COL22A1: variants seen among roughly 807,000 people sequenced by gnomAD.
COL22A1 encodes the protein collagen type XXII alpha 1 chain.
A neutral mutation model predicts 248.9 loss-of-function variants in COL22A1; 221 were observed. The ratio of observed to expected loss-of-function variants is 0.89; its 90% CI spans 0.80 to 0.99. The LOEUF (loss-of-function observed/expected upper bound fraction) is 0.99, where lower values mean the gene tolerates loss of function less well. Ranked by LOEUF, COL22A1 falls within the 50% of genes least tolerant of loss-of-function variation. The pLI is 0.00. For synonymous variants in COL22A1, 891 were observed against 793.4 expected (o/e 1.12, Z -2.07); for missense variants, 2,240 against 2,179.0 (o/e 1.03, Z -0.56).
chr8:138,771,376 C>G (rs1376010470), intron 16 of COL22A1, among the ~76,000 whole-genome samples: 1 of 152,226 alleles, frequency 6.6e-6, no homozygotes, highest in East Asian at 1.9e-4. Flanking sequence ...GTTTCTGGAT[C>G]CTGCTGGCTT....
chr8:138,691,228 C>T (rs897835707), intron 35 of COL22A1, among the ~76,000 whole-genome samples: 3 of 152,188 alleles, frequency 2.0e-5, no homozygotes, highest in Non-Finnish European at 1.5e-5. Flanking sequence ...ATCCTAAGTG[C>T]ATGAGGAAAA....
intron 18 of COL22A1, among the ~76,000 whole-genome samples, chr8:138,759,322 C>T (rs1037932751): frequency 1.3e-5 from 2 of 152,192 alleles, no homozygotes; most frequent in African/African-American, 4.8e-5. Flanking sequence ...CAATGACCTT[C>T]ACCTGAACTC....
At chr8:138,694,979 C>T in intron 32 of COL22A1, 100 bp from the exon 33 acceptor site, 1 of 1,124,214 alleles carries the variant, frequency 8.9e-7, no homozygotes, top group South Asian at 1.5e-5. Flanking sequence ...CACCTCCAGT[C>T]CTGTGTATCA....
At chr8:138,838,472 A>G (rs1381098144) in intron 4 of COL22A1, among the ~76,000 whole-genome samples, 1 of 152,146 alleles carries the variant, frequency 6.6e-6, no homozygotes, top group East Asian at 1.9e-4. Context: ...AAACACCACT[A>G]AAAATGGACA....
chr8:138,726,295 T>C (rs1252839802), intron 23 of COL22A1, among the ~76,000 whole-genome samples: 1 of 151,878 alleles, frequency 6.6e-6, no homozygotes, highest in East Asian at 1.9e-4. Flanking sequence ...AGTTTGAGAC[T>C]AGACTGGGCA....
rs1822392579 is a variant in COL22A1 at position 138,648,381 on chromosome 8, T to C, written c.3447+1284A>G. On this transcript the variant is annotated intron_variant, in intron 46 of 64. Coordinates refer to ENST00000303045, the MANE Select transcript of COL22A1 (RefSeq NM_152888.3). ...AGAGAGTCAGAATAAAGGTCATCTT[T>C]CACATCTGTGTTTGTATTCCCTGTA... 3.3e-5 allele frequency among the ~76,000 whole-genome samples: 5 copies of C among 152,348 alleles called. No homozygotes were observed. In the South Asian group the frequency reaches 1.0e-3, roughly 32 times the overall value.
intron 41 of COL22A1, among the ~76,000 whole-genome samples, chr8:138,669,375 G>A (rs1824813672): frequency 6.6e-6 from 1 of 152,162 alleles, no homozygotes. Flanking sequence ...GGCCGGTCAG[G>A]GCAGTGTCTG....
chr8:138,635,166 C>A, intron 48 of COL22A1, 103 bp from the exon 49 acceptor site: 1 of 917,808 alleles, frequency 1.1e-6, no homozygotes, highest in Non-Finnish European at 1.6e-6. Context: ...CACCTTCCAA[C>A]CCTACTAACA....
At chr8:138,689,098 C>T (rs759792292) in intron 36 of COL22A1, 128 bp from the exon 37 acceptor site, 387 of 736,374 alleles carry the variant, frequency 5.3e-4, no homozygotes, top group Non-Finnish European at 8.2e-4. Context: ...ACCCAATTCC[C>T]ATACTTTATT....
chr8:138,680,824 C>T (rs572945607), intron 39 of COL22A1, among the ~76,000 whole-genome samples: 115 of 152,346 alleles, frequency 7.5e-4, no homozygotes, highest in Non-Finnish European at 1.2e-3. Flanking sequence ...CTGACTTACA[C>T]ATTTACACAA....
At chr8:138,909,556 T>TA (rs1815290095) in intron 1 of COL22A1, among the ~76,000 whole-genome samples, 1 of 148,738 alleles carries the variant, frequency 6.7e-6, no homozygotes, top group African/African-American at 2.5e-5. Context: ...TCTGATTTTT[T>TA]TAAAAAAACT....
chr8:138,901,361 T>TTG (rs1019128081), intron 1 of COL22A1, among the ~76,000 whole-genome samples: 1 of 93,766 alleles, frequency 1.1e-5, no homozygotes, highest in Non-Finnish European at 2.4e-5. Context: ...CTGGCAGGTT[T>TTG]TTTTTTTGTT....
intron 9 of COL22A1, among the ~76,000 whole-genome samples, chr8:138,811,414 G>T (rs896594616): frequency 2.0e-5 from 3 of 151,656 alleles, no homozygotes; most frequent in African/African-American, 7.3e-5. Context: ...GTTAATCAAA[G>T]AAAACATTGA....
Position 138,757,216 on chromosome 8 carries a change from C to T in COL22A1, c.1903-1387G>A, listed in dbSNP as rs559607535. The stretch of plus-strand genomic sequence containing the variant: ...TCTTCACGAACATCCTTCAACATCT[C>T]CAAACAGAGTCAGATTTCCCCTAGA... On this transcript the variant is annotated intron_variant, in intron 18 of 64. Transcript: ENST00000303045. Among the ~76,000 whole-genome samples the T allele has an allele frequency of 2.4e-4, 36 of 152,306 alleles. 1 individual carries two copies. The highest frequency in any genetic ancestry group is 6.3e-4 in the African/African-American group (26 of 41,574).
At chr8:138,696,354 T>C (rs999935249) in intron 32 of COL22A1, among the ~76,000 whole-genome samples, 4 of 151,958 alleles carry the variant, frequency 2.6e-5, no homozygotes, top group Non-Finnish European at 5.9e-5. Flanking sequence ...CCTACATGGA[T>C]GGGGTGTTTG....
At chr8:138,684,698 T>C (rs1826207036) in intron 38 of COL22A1, among the ~76,000 whole-genome samples, 1 of 152,206 alleles carries the variant, frequency 6.6e-6, no homozygotes, top group Admixed American at 6.5e-5. Context: ...GGAAATCTCT[T>C]AGCCTCTCTC....
intron 10 of COL22A1, among the ~76,000 whole-genome samples, chr8:138,804,883 G>T (rs1023658031): frequency 6.7e-6 from 1 of 149,702 alleles, no homozygotes; most frequent in Non-Finnish European, 1.5e-5. Context: ...TATGTGATGT[G>T]TGTGGTGGCT....
Position 138,646,485 on chromosome 8 carries a change from T to G in COL22A1, c.3501+144A>C, listed in dbSNP as rs1822215956. ...GACCTGCCCATGGTCAATAGGATAG[T>G]CAGTGCCATGCTTAGACCCAGAACA... is the stretch of plus-strand genomic sequence containing the variant. On this transcript the variant is annotated intron_variant, in intron 47 of 64. Coordinates refer to ENST00000303045, the MANE Select transcript of COL22A1 (RefSeq NM_152888.3). 3 of 548,010 alleles carry G rather than the reference T, an allele frequency of 5.5e-6. No homozygotes were observed. The South Asian group carries it at 1.1e-4, about 20-fold the overall frequency. The allele number at this position is 548,010 out of a possible 1,614,324, so 33.9% of individuals were successfully genotyped here.
chr8:138,805,999 TGTGTGTGACGGTGTAG>T (rs1817593862), intron 10 of COL22A1, among the ~76,000 whole-genome samples: 1 of 51,030 alleles, frequency 2.0e-5, no homozygotes, highest in East Asian at 5.9e-4. Context: ...TGATGGTGTG[TGTGTGTGACGGTGTAG>T]GTAATGGTGT....
Sources: gnomAD v4.1 joint callset for allele counts (sites outside exome capture counted in the v4.1 genomes callset) on GRCh38, gnomAD v4.1.1 for gene constraint, MANE v1.5 for transcripts, NCBI Gene and HGNC (gene_info 2026-07-23, HGNC 2026-07-21) for gene names.